DENND5B: variants seen among roughly 807,000 people sequenced by gnomAD.
The protein encoded by DENND5B is DENN domain containing 5B, also known as DENN domain-containing protein 5B.
DENND5B carries 34 observed loss-of-function variants against 140.6 expected under a neutral mutation model. That is an observed-to-expected ratio of 0.24 (90% CI 0.18 to 0.32). The LOEUF (loss-of-function observed/expected upper bound fraction) is 0.32, where lower values mean the gene tolerates loss of function less well. Among genes scored for constraint, DENND5B ranks in the 10% least tolerant of loss-of-function variants. DENND5B has a pLI of 1.00. For missense variants in DENND5B, 1,142 were observed against 1,560.2 expected, an observed-to-expected ratio of 0.73 and a Z score of 4.52; for synonymous variants, 551 against 562.1, an observed-to-expected ratio of 0.98 and a Z score of 0.28.
intron 2 of DENND5B, among the ~76,000 whole-genome samples, chr12:31,485,867 C>G (rs554829137): frequency 3.5e-4 from 54 of 152,286 alleles, no homozygotes; most frequent in Middle Eastern, 3.4e-3. Context: ...CACACAGAGA[C>G]AGAAGGAGCC....
intron 8 of DENND5B, chr12:31,432,110 C>A: frequency 3.0e-6 from 3 of 985,080 alleles, no homozygotes; most frequent in Non-Finnish European, 3.6e-6. Context: ...GTCCCACTCC[C>A]AGAATGCCAT....
chr12:31,402,018 G>A (rs778302134), intron 15 of DENND5B, among the ~76,000 whole-genome samples: 17 of 147,608 alleles, frequency 1.2e-4, no homozygotes, highest in Non-Finnish European at 2.4e-4. Flanking sequence ...AGGTTGCAAC[G>A]AGTGAAGATC....
intron 1 of DENND5B, among the ~76,000 whole-genome samples, chr12:31,502,098 C>T (rs562254481): frequency 2.0e-5 from 3 of 152,104 alleles, no homozygotes; most frequent in African/African-American, 7.2e-5. Flanking sequence ...GGGCGGATCA[C>T]GAGGTCAGGA....
At chr12:31,448,839 G>GC (rs1565588625) in intron 5 of DENND5B, among the ~76,000 whole-genome samples, 1 of 147,300 alleles carries the variant, frequency 6.8e-6, no homozygotes, top group East Asian at 1.9e-4. Context: ...TAGTGAAACC[G>GC]CATTTCCAAA....
intron 8 of DENND5B, among the ~76,000 whole-genome samples, chr12:31,430,521 A>T (rs1410374660): frequency 1.4e-5 from 2 of 147,892 alleles, no homozygotes; most frequent in African/African-American, 2.5e-5. Flanking sequence ...AAAAAAAAAA[A>T]AAATTAGGTG....
chr12:31,405,772 T>C (rs1411485470), intron 14 of DENND5B, among the ~76,000 whole-genome samples: 1 of 151,892 alleles, frequency 6.6e-6, no homozygotes, highest in Non-Finnish European at 1.5e-5. Context: ...GGTCTTGAAC[T>C]CCTGACCACG....
intron 1 of DENND5B, among the ~76,000 whole-genome samples, chr12:31,559,217 T>C (rs1204563667): frequency 6.6e-6 from 1 of 152,210 alleles, no homozygotes; most frequent in Non-Finnish European, 1.5e-5. Context: ...GATGAACTCA[T>C]GGCAAATTAA....
intron 1 of DENND5B, among the ~76,000 whole-genome samples, chr12:31,533,598 T>C (rs1948373267): frequency 6.6e-6 from 1 of 152,144 alleles, no homozygotes; most frequent in African/African-American, 2.4e-5. Flanking sequence ...ACTCAAGAGA[T>C]TATGTAAGCA....
At chr12:31,523,146 C>T (rs1947962316) in intron 1 of DENND5B, among the ~76,000 whole-genome samples, 1 of 151,548 alleles carries the variant, frequency 6.6e-6, no homozygotes, top group Non-Finnish European at 1.5e-5. Context: ...GCAGCCTCCG[C>T]CTCCCAGGTT....
intron 1 of DENND5B, among the ~76,000 whole-genome samples, chr12:31,562,482 C>A (rs935477259): frequency 1.3e-5 from 2 of 151,938 alleles, no homozygotes; most frequent in Non-Finnish European, 2.9e-5. Context: ...TGGTGGCGGG[C>A]ACCTATAATT....
chr12:31,538,233 G>A (rs1242016174), intron 1 of DENND5B, among the ~76,000 whole-genome samples: 1 of 152,084 alleles, frequency 6.6e-6, no homozygotes, highest in Non-Finnish European at 1.5e-5. Context: ...TCAGCACATG[G>A]ATCATTCTCA....
chr12:31,464,906 A>G (rs1482690870), intron 3 of DENND5B, among the ~76,000 whole-genome samples: 2 of 152,194 alleles, frequency 1.3e-5, no homozygotes, highest in Non-Finnish European at 2.9e-5. Flanking sequence ...CATTCAACAT[A>G]TGACCTACTA....
intron 8 of DENND5B, chr12:31,431,918 T>C (rs911595537): frequency 3.4e-6 from 1 of 293,494 alleles, no homozygotes; most frequent in African/African-American, 2.3e-5. Context: ...GAGTGTGAGT[T>C]CACATCTCAA....
chr12:31,590,797 C>G lies in DENND5B; in HGVS notation c.36G>C (p.Ser12=). 7.6e-7 allele frequency: 1 copy of G among 1,323,054 alleles called. No individual in the cohort carries two copies. The allele number at this position is 1,323,054 out of a possible 1,614,324, so 82.0% of individuals were successfully genotyped here. ...AGCGGCAGGCGGCCGGGGAGGAGCC[C>G]GAGCCCGGGCCGGGCGCCGCGCAGC... ...SGSCAAPGPG[S]GSSPAACRFA... The change falls in exon 1 of 21, where the codon TCG becomes TCC. Residue 12 remains serine, a synonymous_variant. Transcript: ENST00000389082.
intron 6 of DENND5B, among the ~76,000 whole-genome samples, chr12:31,446,328 T>C (rs1013939696): frequency 1.1e-4 from 16 of 151,998 alleles, no homozygotes; most frequent in Non-Finnish European, 1.8e-4. Flanking sequence ...TTTGTATTTT[T>C]AGTAGAGATG....
chr12:31,527,401 C>G (rs1948122323), intron 1 of DENND5B, among the ~76,000 whole-genome samples: 1 of 152,100 alleles, frequency 6.6e-6, no homozygotes, highest in South Asian at 2.1e-4. Flanking sequence ...TACGGGCGGC[C>G]AGATCATATG....
chr12:31,484,796 A>G (rs1416203122), intron 2 of DENND5B, among the ~76,000 whole-genome samples: 1 of 150,774 alleles, frequency 6.6e-6, no homozygotes, highest in Non-Finnish European at 1.5e-5. Flanking sequence ...GTGAGACTCC[A>G]TCTCAAACAA....
At chr12:31,424,755 A>C in intron 9 of DENND5B, 68 bp from the exon 10 acceptor site, 1 of 1,556,868 alleles carries the variant, frequency 6.4e-7, no homozygotes, top group East Asian at 2.3e-5. Flanking sequence ...GTCAATTACT[A>C]AAGTAGGAGA....
intron 1 of DENND5B, among the ~76,000 whole-genome samples, chr12:31,566,708 T>G (rs1468505275): frequency 6.6e-6 from 1 of 152,178 alleles, no homozygotes; most frequent in Non-Finnish European, 1.5e-5. Flanking sequence ...ACCAATTAAT[T>G]ATGATGATGA....
Sources: gnomAD v4.1 joint callset for allele counts (sites outside exome capture counted in the v4.1 genomes callset) on GRCh38, gnomAD v4.1.1 for gene constraint, MANE v1.5 for transcripts, NCBI Gene and HGNC (gene_info 2026-07-23, HGNC 2026-07-21) for gene names.